The following NPRL3 variants were observed in gnomAD, a reference collection of about 807,000 sequenced individuals.
NPRL3 encodes NPR3 like, GATOR1 complex subunit.
In NPRL3, 23 loss-of-function variants were observed where a neutral mutation model predicts 57.2. That is an observed-to-expected ratio of 0.40 (90% CI 0.29 to 0.57). The LOEUF (loss-of-function observed/expected upper bound fraction) is 0.57, where lower values mean the gene tolerates loss of function less well. Ranked by LOEUF, NPRL3 falls within the 20% of genes least tolerant of loss-of-function variation. NPRL3 has a pLI of 0.42. For synonymous variants in NPRL3, 333 were observed against 321.1 expected, an observed-to-expected ratio of 1.04 and a Z score of -0.39; for missense variants, 691 against 767.1, an observed-to-expected ratio of 0.90 and a Z score of 1.17.
chr16:89,527 C>T (rs1898663923), intron 12 of NPRL3, 186 bp downstream of exon 12: 1 of 559,478 alleles, frequency 1.8e-6, no homozygotes. Flanking sequence ...AGAGCTGCCA[C>T]CTCAGAGTCA....
At position 92,645 on chromosome 16, in the gene NPRL3, G is replaced by A. The variant is rs747324879; in HGVS notation, c.1112C>T (p.Pro371Leu). 8.1e-6 allele frequency: 13 copies of A among 1,613,618 alleles called. No individual in the cohort carries two copies. The highest frequency in any genetic ancestry group is 3.3e-5 in the Admixed American group (2 of 59,970). ...ATTCCTAAATTCTGACAAGGAGACC[G>A]GCAAGGAGAACTTGGCAAGAACGGA... ...LPSVLAKFSL[P>L]VSLSEFRNPL... The change falls in exon 11 of 14, where the codon CCG (proline) becomes CTG (leucine). Residue 371 changes from proline (P) to leucine (L), a missense_variant. Pro to Leu is a moderately conservative substitution (Grantham distance 98). Coordinates refer to ENST00000611875, the MANE Select transcript of NPRL3 (RefSeq NM_001077350.3).
chr16:88,862 G>A lies in NPRL3; in HGVS notation c.1380C>T (p.Ser460=). 1 of 1,613,474 alleles carries A rather than the reference G, an allele frequency of 6.2e-7. No homozygotes were observed. The part of the protein sequence containing the change: ...PTSSDDMTLT[S]PSMDNSSAEL... ...CTGCGCTGGAGTTGTCCATGCTGGGGCTGGTGAGGGTCATGTCATCGCTGC... is the reference window on the plus strand; with the variant it reads ...CTGCGCTGGAGTTGTCCATGCTGGGACTGGTGAGGGTCATGTCATCGCTGC... The change falls in exon 13 of 14, where the codon AGC becomes AGT. Residue 460 remains serine, a synonymous_variant. Transcript: ENST00000611875.
chr16:135,057 A>T (rs1438043352), intron 2 of NPRL3, among the ~76,000 whole-genome samples: 1 of 152,240 alleles, frequency 6.6e-6, no homozygotes, highest in Non-Finnish European at 1.5e-5. Context: ...GATAAGAAAG[A>T]CAAAAAATAG....
intron 1 of NPRL3, 110 bp from the exon 2 acceptor site, chr16:138,444 G>A (rs1373015561): frequency 7.8e-6 from 1 of 128,976 alleles, no homozygotes; most frequent in Non-Finnish European, 1.5e-5. Flanking sequence ...GGAGGGCAGG[G>A]GTGGAGGCGG....
chr16:124,481 G>A lies in NPRL3; in HGVS notation c.189-5226C>T, dbSNP rs187359488. 1.9e-3 allele frequency among the ~76,000 whole-genome samples: 283 copies of A among 152,050 alleles called. 2 individuals are homozygous for A. Among genetic ancestry groups the A allele is most frequent in the Middle Eastern group, 3.4e-3 (1 of 294 alleles). On this transcript the variant is annotated intron_variant, in intron 3 of 13. Transcript: ENST00000611875. ...CTCCCAAAGTACTGGGATTACAGGC[G>A]TGAGCCACTGCACCCAGCCTAAAAC...
chr16:88,641 A>G (rs1413564804), intron 13 of NPRL3, 57 bp downstream of exon 13: 2 of 1,490,988 alleles, frequency 1.3e-6, no homozygotes, highest in Non-Finnish European at 1.8e-6. Context: ...GTCCCTATCC[A>G]CTTTCTGCCC....
chr16:124,637 T>C (rs1401844610), intron 3 of NPRL3, among the ~76,000 whole-genome samples: 2 of 152,228 alleles, frequency 1.3e-5, no homozygotes, highest in African/African-American at 2.4e-5. Flanking sequence ...GCTCCAATTC[T>C]TGAGATACTG....
chr16:97,354 C>T (rs557874177), intron 9 of NPRL3, among the ~76,000 whole-genome samples: 2 of 151,904 alleles, frequency 1.3e-5, no homozygotes, highest in South Asian at 4.1e-4. Flanking sequence ...AATTGATCCT[C>T]ACACCTCATA....
intron 9 of NPRL3, 65 bp from the exon 10 acceptor site, chr16:93,390 C>G: frequency 9.2e-7 from 1 of 1,092,362 alleles, no homozygotes; most frequent in Non-Finnish European, 1.4e-6. Context: ...CTGTCAGCAG[C>G]TCTCAGCCTG....
At position 110,521 on chromosome 16, in the gene NPRL3, T is replaced by G. The variant is rs1220187651; in HGVS notation, c.629+4A>C. On this transcript the variant is annotated splice_donor_region_variant and intron_variant, in intron 7 of 13. Coordinates refer to ENST00000611875, the MANE Select transcript of NPRL3 (RefSeq NM_001077350.3). ...AGGTTAATAAGCACACCCACCTGTC[T>G]TACCTGTCATAAGCTTCCTTGAGGT... 1 of 1,609,722 alleles carries G rather than the reference T, an allele frequency of 6.2e-7. No homozygotes were observed. The highest frequency in any genetic ancestry group is 1.3e-5 in the African/African-American group (1 of 74,882).
chr16:138,116 G>C (rs553439364), intron 2 of NPRL3, 34 bp downstream of exon 2: 3 of 1,529,312 alleles, frequency 2.0e-6, no homozygotes, highest in African/African-American at 1.4e-5. Context: ...GGCGGCCCCC[G>C]CGAGCGCCAG....
In NPRL3 at chr16:118,599, G is replaced by A. The variant is rs1900145438; in HGVS notation, c.318+527C>T. 1.3e-5 allele frequency among the ~76,000 whole-genome samples: 2 copies of A among 152,174 alleles called. 1 individual carries two copies. Among genetic ancestry groups the A allele is most frequent in the South Asian group, 4.1e-4 (2 of 4,834 alleles). ...CCTAGAATGCAGACTGTAAAAGCTA[G>A]GGACAGGGACTGAAGCACCTGTCTT... On this transcript the variant is annotated intron_variant, in intron 4 of 13. Transcript: ENST00000611875.
intron 6 of NPRL3, among the ~76,000 whole-genome samples, chr16:112,391 G>C (rs1007963952): frequency 5.3e-5 from 8 of 152,226 alleles, no homozygotes; most frequent in African/African-American, 1.4e-4. Context: ...AAATGGGGAT[G>C]ATCATGGACA....
chr16:101,074 G>C (rs1343458782), intron 7 of NPRL3, among the ~76,000 whole-genome samples: 3 of 151,584 alleles, frequency 2.0e-5, no homozygotes, highest in African/African-American at 7.3e-5. Flanking sequence ...CAGGGCTTGA[G>C]AGAAGCCGTA....
At chr16:118,603 C>G (rs1900145693) in intron 4 of NPRL3, among the ~76,000 whole-genome samples, 3 of 152,180 alleles carry the variant, frequency 2.0e-5, no homozygotes, top group Admixed American at 1.3e-4. Flanking sequence ...AAGCTAGGGA[C>G]AGGGACTGAA....
rs140565376 is a variant in NPRL3, at chr16:114,270, T to A, written c.394-1495A>T. 3.3e-3 allele frequency among the ~76,000 whole-genome samples: 495 copies of A among 152,238 alleles called. 2 individuals are homozygous for A. Among genetic ancestry groups the A allele is most frequent in the Non-Finnish European group, 4.4e-3 (300 of 68,018 alleles). ...CGCTCAGTGACCTGCACTCATGGGG[T>A]GTCCCAGCATGTCCGGTTTGCAAAG... On this transcript the variant is annotated intron_variant, in intron 5 of 13. Transcript: ENST00000611875.
chr16:86,243 A>G lies in NPRL3; in HGVS notation c.*462T>C, dbSNP rs1169190412. 2 of 184,402 alleles carry G rather than the reference A, an allele frequency of 1.1e-5. No individual in the cohort carries two copies. Among genetic ancestry groups the G allele is most frequent in the East Asian group, 1.4e-4 (1 of 7,140 alleles). The allele number at this position is 184,402 out of a possible 1,614,324, so 11.4% of individuals were successfully genotyped here. ...ACAGAGGTGCTGGGGAGGGGGCCAC[A>G]GGGCACTTCACAAATAGAAGGCTGT... On this transcript the variant is annotated 3_prime_UTR_variant, in exon 14 of 14. Coordinates refer to ENST00000611875, the MANE Select transcript of NPRL3 (RefSeq NM_001077350.3).
At position 93,245 on chromosome 16, in the gene NPRL3, C is replaced by T. The variant is rs1413146908; in HGVS notation, c.1005G>A (p.Met335Ile). The T allele has an allele frequency of 6.4e-7, 1 of 1,557,600 alleles. No individual in the cohort carries two copies. Among genetic ancestry groups the T allele is most frequent in the South Asian group, 1.2e-5 (1 of 84,348 alleles). The change falls in exon 10 of 14, where the codon ATG becomes ATA. Residue 335 changes from methionine (M) to isoleucine (I), a missense_variant. Physicochemically the swap from Met to Ile is conservative, Grantham distance 10. Transcript: ENST00000611875. ...GACATACGCTGGCATTGGGAGACAG[C>T]ATGTAGACGTTGTTCTCACACAGCG... ...IYPLCENNVY[M>I]LSPNASVCLY...
chr16:120,103 T>G (rs1900219900), intron 3 of NPRL3, among the ~76,000 whole-genome samples: 1 of 152,034 alleles, frequency 6.6e-6, no homozygotes, highest in African/African-American at 2.4e-5. Flanking sequence ...TATCTCAGAG[T>G]CCAGGGCTCT....
Sources: gnomAD v4.1 joint callset for allele counts (sites outside exome capture counted in the v4.1 genomes callset) on GRCh38, gnomAD v4.1.1 for gene constraint, MANE v1.5 for transcripts, NCBI Gene and HGNC (gene_info 2026-07-23, HGNC 2026-07-21) for gene names.